SND1: variants seen among roughly 807,000 people sequenced by gnomAD.
The protein encoded by SND1 is staphylococcal nuclease and tudor domain containing 1.
In SND1, 38 loss-of-function variants were observed where a neutral mutation model predicts 121.7. The ratio of observed to expected loss-of-function variants is 0.31; its 90% CI spans 0.24 to 0.41. SND1 has a LOEUF of 0.41. Ranked by LOEUF, SND1 falls within the 10% of genes least tolerant of loss-of-function variation. SND1 has a pLI of 1.00. For synonymous variants in SND1, 401 were observed against 447.4 expected (o/e 0.90, Z 1.31); for missense variants, 868 against 1,184.6 (o/e 0.73, Z 3.92).
chr7:127,887,519 C>G (rs1021709830), intron 12 of SND1, among the ~76,000 whole-genome samples: 45 of 151,924 alleles, frequency 3.0e-4, no homozygotes, highest in African/African-American at 1.1e-3. Context: ...TTAGGTCATG[C>G]TTTTATATGT....
At chr7:127,740,409 A>G (rs1388513469) in intron 10 of SND1, among the ~76,000 whole-genome samples, 1 of 152,200 alleles carries the variant, frequency 6.6e-6, no homozygotes, top group Non-Finnish European at 1.5e-5. Context: ...AAACAAAGCC[A>G]TGAACTCATC....
At chr7:128,084,116 G>T (rs1402934717) in intron 18 of SND1, among the ~76,000 whole-genome samples, 2 of 152,214 alleles carry the variant, frequency 1.3e-5, no homozygotes, top group African/African-American at 2.4e-5. Context: ...AAGGGTCAGA[G>T]GGGCCAAGTT....
chr7:127,668,265 A>C (rs990423252), intron 1 of SND1, among the ~76,000 whole-genome samples: 1 of 152,084 alleles, frequency 6.6e-6, no homozygotes, highest in African/African-American at 2.4e-5. Context: ...TCTGTTCCCC[A>C]CTCTAACTTC....
intron 14 of SND1, among the ~76,000 whole-genome samples, chr7:127,926,121 A>G (rs1473395113): frequency 6.6e-6 from 1 of 152,164 alleles, no homozygotes; most frequent in Non-Finnish European, 1.5e-5. Flanking sequence ...ATTTATAGCT[A>G]CATCGCCTGA....
At chr7:127,875,300 G>A (rs1051439064) in intron 12 of SND1, among the ~76,000 whole-genome samples, 1 of 152,080 alleles carries the variant, frequency 6.6e-6, no homozygotes, top group Non-Finnish European at 1.5e-5. Flanking sequence ...TGGATCTGTA[G>A]GGAATATGAT....
chr7:128,028,474 C>T (rs1803544406), intron 16 of SND1: 2 of 504,786 alleles, frequency 4.0e-6, no homozygotes, highest in Non-Finnish European at 3.4e-6. Context: ...TTCCCCCCCA[C>T]CCCCTTTAAA....
At chr7:128,007,863 T>C (rs1338023277) in intron 16 of SND1, among the ~76,000 whole-genome samples, 1 of 152,232 alleles carries the variant, frequency 6.6e-6, no homozygotes, top group African/African-American at 2.4e-5. Context: ...TAGCCTTTCA[T>C]AGATAGAAGG....
intron 14 of SND1, among the ~76,000 whole-genome samples, chr7:127,913,587 C>T (rs1433050847): frequency 6.6e-6 from 1 of 152,118 alleles, no homozygotes; most frequent in Non-Finnish European, 1.5e-5. Flanking sequence ...CTCTATGATT[C>T]TATTTCATGG....
intron 13 of SND1, among the ~76,000 whole-genome samples, chr7:127,903,677 G>A (rs546652741): frequency 6.6e-6 from 1 of 152,082 alleles, no homozygotes; most frequent in Admixed American, 6.5e-5. Flanking sequence ...GCTTATGAGG[G>A]TTTACTTTAG....
At position 128,089,519 on chromosome 7, in the gene SND1, G is replaced by C. The variant is rs144250740; in HGVS notation, c.2449G>C (p.Val817Leu). 5.0e-6 allele frequency: 8 copies of C among 1,614,174 alleles called. No individual in the cohort carries two copies. Among genetic ancestry groups the C allele is most frequent in the Non-Finnish European group, 6.8e-6 (8 of 1,179,998 alleles). The change falls in exon 22 of 24, where the codon GTA becomes CTA. Residue 817 changes from valine (V) to leucine (L), a missense_variant. Physicochemically the swap from Val to Leu is conservative, Grantham distance 32. This residue lies in a region of SND1 where 743 missense variants were observed against 1,071.3 expected (regional missense o/e 0.69). Transcript: ENST00000354725. Reference sequence around the variant, plus strand: ...TGCCCGCACGGACGCCGTGGACAGCGTAGTTCGGGATATCCAGAACACTCA... The same window carrying C: ...TGCCCGCACGGACGCCGTGGACAGCCTAGTTCGGGATATCCAGAACACTCA... ...DDARTDAVDS[V>L]VRDIQNTQCL...
At chr7:128,005,205 T>C (rs991542085) in intron 16 of SND1, among the ~76,000 whole-genome samples, 9 of 152,232 alleles carry the variant, frequency 5.9e-5, no homozygotes, top group African/African-American at 2.2e-4. Context: ...TAGCCTTGTA[T>C]CAAGCGAAGT....
At chr7:127,661,069 A>T (rs972703070) in intron 1 of SND1, among the ~76,000 whole-genome samples, 2 of 152,142 alleles carry the variant, frequency 1.3e-5, no homozygotes, top group Non-Finnish European at 2.9e-5. Context: ...ATAAATGATA[A>T]GTGAAATGTA....
chr7:127,993,484 C>G (rs1472385678), intron 16 of SND1, among the ~76,000 whole-genome samples: 1 of 152,226 alleles, frequency 6.6e-6, no homozygotes, highest in Non-Finnish European at 1.5e-5. Context: ...CCACGACCTC[C>G]CACCTCATGC....
At chr7:127,987,474 C>T (rs1282331311) in intron 15 of SND1, among the ~76,000 whole-genome samples, 2 of 152,194 alleles carry the variant, frequency 1.3e-5, no homozygotes, top group Non-Finnish European at 2.9e-5. Context: ...TCAGCAGCAA[C>T]GACAACTGAC....
chr7:127,691,864 G>A (rs1261903888), intron 2 of SND1, among the ~76,000 whole-genome samples: 1 of 150,504 alleles, frequency 6.6e-6, no homozygotes, highest in Non-Finnish European at 1.5e-5. Flanking sequence ...CCTGACCTCA[G>A]GTGACCTGCC....
chr7:127,783,453 T>A (rs1797759321), intron 10 of SND1, among the ~76,000 whole-genome samples: 1 of 152,248 alleles, frequency 6.6e-6, no homozygotes, highest in South Asian at 2.1e-4. Flanking sequence ...CTACAGCAGC[T>A]TTGTGCTACA....
chr7:127,915,670 G>A (rs912295998), intron 14 of SND1, among the ~76,000 whole-genome samples: 2 of 152,162 alleles, frequency 1.3e-5, no homozygotes, highest in Non-Finnish European at 2.9e-5. Flanking sequence ...ACAGAGTCCT[G>A]GGAGAGTGTA....
At chr7:128,022,154 G>A (rs951716384) in intron 16 of SND1, among the ~76,000 whole-genome samples, 13 of 136,368 alleles carry the variant, frequency 9.5e-5, no homozygotes, top group South Asian at 4.8e-4. Context: ...GCAGTGAGCC[G>A]AGATCACACC....
chr7:127,920,207 T>A (rs1800670663), intron 14 of SND1, among the ~76,000 whole-genome samples: 1 of 152,254 alleles, frequency 6.6e-6, no homozygotes. Context: ...GTGGATTTAC[T>A]TACTTGACCT....
Sources: gnomAD v4.1 joint callset for allele counts (sites outside exome capture counted in the v4.1 genomes callset) on GRCh38, gnomAD v4.1.1 for gene constraint, gnomAD v4.1.1 regional missense constraint, MANE v1.5 for transcripts, NCBI Gene and HGNC (gene_info 2026-07-23, HGNC 2026-07-21) for gene names.